MACROD2: variants seen among roughly 807,000 people sequenced by gnomAD.
MACROD2 encodes the protein ADP-ribose glycohydrolase MACROD2.
A neutral mutation model predicts 70.4 loss-of-function variants in MACROD2; 36 were observed. The observed-to-expected ratio is 0.51, with a 90% CI of 0.39 to 0.68. The LOEUF (loss-of-function observed/expected upper bound fraction) is 0.68. Among genes scored for constraint, MACROD2 ranks in the 30% least tolerant of loss-of-function variants. The probability of loss-of-function intolerance (pLI) is 0.00; values close to 1 mark genes in which losing one functional copy is unlikely to be tolerated. For synonymous variants in MACROD2, 172 were observed against 178.8 expected, an observed-to-expected ratio of 0.96 and a Z score of 0.30; for missense variants, 496 against 538.4, an observed-to-expected ratio of 0.92 and a Z score of 0.78.
intron 8 of MACROD2, among the ~76,000 whole-genome samples, chr20:15,535,451 C>A (rs2047861745): frequency 1.3e-5 from 2 of 152,192 alleles, no homozygotes; most frequent in African/African-American, 2.4e-5. Context: ...ATCAGAAATC[C>A]TGAGGACAAG....
chr20:14,060,938 C>T (rs1021046509), intron 2 of MACROD2, among the ~76,000 whole-genome samples: 9 of 151,976 alleles, frequency 5.9e-5, no homozygotes, highest in African/African-American at 9.7e-5. Context: ...TTAGGTACCT[C>T]GTGTCTTAAT....
At chr20:15,993,091 T>C (rs2066579824) in intron 15 of MACROD2, among the ~76,000 whole-genome samples, 1 of 152,186 alleles carries the variant, frequency 6.6e-6, no homozygotes, top group African/African-American at 2.4e-5. Context: ...CATTATATAA[T>C]GCTAAATTGA....
At chr20:14,117,745 C>T (rs886671278) in intron 3 of MACROD2, among the ~76,000 whole-genome samples, 2 of 152,058 alleles carry the variant, frequency 1.3e-5, no homozygotes, top group African/African-American at 4.8e-5. Flanking sequence ...CCTTGTTTGC[C>T]CATGTCACTT....
intron 5 of MACROD2, among the ~76,000 whole-genome samples, chr20:15,153,151 T>A (rs1202194086): frequency 6.6e-6 from 1 of 151,970 alleles, no homozygotes. Flanking sequence ...GGCACCAAAT[T>A]TCATGTGTGT....
At chr20:14,294,934 A>G (rs895031086) in intron 3 of MACROD2, among the ~76,000 whole-genome samples, 1 of 151,616 alleles carries the variant, frequency 6.6e-6, no homozygotes. Context: ...TGTTTCTGAC[A>G]CAGAAGTGTC....
Position 14,158,956 on chromosome 20 carries a change from G to A in MACROD2, c.271+73228G>A, listed in dbSNP as rs557654163. 5.4e-4 allele frequency among the ~76,000 whole-genome samples: 82 copies of A among 152,164 alleles called. 1 individual carries two copies. In the South Asian group the frequency reaches 0.016, roughly 30 times the overall value. ...TCTATTTCTATGAAAAATAACATTG[G>A]CCAGGCATGGTGGCTCACGCCTGTA... On this transcript the variant is annotated intron_variant, in intron 3 of 17. Transcript: ENST00000684519.
chr20:14,277,856 G>T lies in MACROD2; in HGVS notation c.271+192128G>T, dbSNP rs367693543. 3.3e-5 allele frequency among the ~76,000 whole-genome samples: 5 copies of T among 152,114 alleles called. No homozygotes were observed. In the East Asian group the frequency reaches 9.6e-4, roughly 29 times the overall value. ...TCACTCTGTAATTCTTCCATATGGA[G>T]GAAAGGAAAGCAGAGTGCTGAAAGG... On this transcript the variant is annotated intron_variant, in intron 3 of 17. Transcript: ENST00000684519.
At chr20:14,476,604 A>T (rs1600280577) in intron 3 of MACROD2, among the ~76,000 whole-genome samples, 1 of 152,198 alleles carries the variant, frequency 6.6e-6, no homozygotes, top group Middle Eastern at 3.4e-3. Flanking sequence ...TGATCCGCCC[A>T]CCTCAGCCTC....
In MACROD2 at chr20:14,451,462, T is replaced by C. The variant is rs190667844; in HGVS notation, c.272-42017T>C. ...ACTGTGTCTCGACAAAAAAACAAAG[T>C]GTGTTACCCCAAGCATGTTACCTCT... On this transcript the variant is annotated intron_variant, in intron 3 of 17. Coordinates refer to ENST00000684519, the MANE Select transcript of MACROD2 (RefSeq NM_001351661.2). 8.0e-4 allele frequency among the ~76,000 whole-genome samples: 121 copies of C among 152,096 alleles called. 1 individual carries two copies. The highest frequency in any genetic ancestry group is 3.4e-3 in the Middle Eastern group (1 of 294).
intron 5 of MACROD2, among the ~76,000 whole-genome samples, chr20:15,164,650 C>G (rs978930966): frequency 1.3e-5 from 2 of 152,118 alleles, no homozygotes; most frequent in Non-Finnish European, 2.9e-5. Context: ...AATGCTGGTA[C>G]TTTGGAAGGC....
At chr20:15,218,071 T>C (rs777966120) in intron 5 of MACROD2, among the ~76,000 whole-genome samples, 1 of 152,176 alleles carries the variant, frequency 6.6e-6, no homozygotes, top group African/African-American at 2.4e-5. Flanking sequence ...CTGAACAAAA[T>C]GAGTTATTTT....
intron 5 of MACROD2, among the ~76,000 whole-genome samples, chr20:15,033,699 C>T (rs1248453839): frequency 6.6e-6 from 1 of 152,186 alleles, no homozygotes; most frequent in Non-Finnish European, 1.5e-5. Flanking sequence ...GCTTCAGAAT[C>T]ATCATTCATC....
At chr20:15,414,990 C>T (rs562749971) in intron 6 of MACROD2, among the ~76,000 whole-genome samples, 145 of 152,264 alleles carry the variant, frequency 9.5e-4, no homozygotes, top group African/African-American at 3.4e-3. Flanking sequence ...AACCAGGGAA[C>T]TCCCTGTACC....
chr20:14,311,693 T>A (rs1471197945), intron 3 of MACROD2, among the ~76,000 whole-genome samples: 1 of 152,078 alleles, frequency 6.6e-6, no homozygotes. Flanking sequence ...AATTTTTGTA[T>A]TTTTAGTAGA....
chr20:15,670,656 C>T (rs1392146663), intron 8 of MACROD2, among the ~76,000 whole-genome samples: 1 of 152,134 alleles, frequency 6.6e-6, no homozygotes, highest in African/African-American at 2.4e-5. Flanking sequence ...GAAATGAAGA[C>T]ACATAAAACA....
intron 7 of MACROD2, among the ~76,000 whole-genome samples, chr20:15,456,639 G>A (rs1246107453): frequency 6.6e-6 from 1 of 152,124 alleles, no homozygotes; most frequent in Admixed American, 6.6e-5. Context: ...CCTAGAAGCA[G>A]CTGCCGGGGA....
chr20:14,821,190 A>T (rs2072840292), intron 5 of MACROD2, among the ~76,000 whole-genome samples: 1 of 152,140 alleles, frequency 6.6e-6, no homozygotes, highest in African/African-American at 2.4e-5. Context: ...GAACAAATTA[A>T]AATAAAAATG....
At chr20:15,383,941 G>A (rs545923363) in intron 6 of MACROD2, among the ~76,000 whole-genome samples, 1 of 151,966 alleles carries the variant, frequency 6.6e-6, no homozygotes, top group Non-Finnish European at 1.5e-5. Flanking sequence ...GAGCAATTCA[G>A]CTATTTTTTT....
intron 6 of MACROD2, among the ~76,000 whole-genome samples, chr20:15,381,243 G>A (rs1231921486): frequency 6.6e-6 from 1 of 151,844 alleles, no homozygotes; most frequent in African/African-American, 2.4e-5. Flanking sequence ...ACATTTACCA[G>A]CACAGCGCTG....
Sources: allele counts gnomAD v4.1 joint callset (sites outside exome capture counted in the v4.1 genomes callset), GRCh38; gene constraint gnomAD v4.1.1; transcripts MANE v1.5; gene names NCBI Gene and HGNC (gene_info 2026-07-23, HGNC 2026-07-21).